The following DMD variants were observed in gnomAD, a reference collection of about 807,000 sequenced individuals.
DMD encodes dystrophin.
Under a neutral mutation model 330.1 loss-of-function variants are expected in DMD, and 63 were observed. The ratio of observed to expected loss-of-function variants is 0.19; its 90% confidence interval spans 0.16 to 0.24. DMD has a LOEUF of 0.24. DMD is among the 10% of genes least tolerant of loss of function. The pLI is 1.00. For missense variants in DMD, 3,344 were observed against 2,684.1 expected (o/e 1.25, Z -5.43); for synonymous variants, 1,223 against 959.8 (o/e 1.27, Z -5.07).
At chrX:31,733,133 G>GA (rs910968562) in intron 51 of DMD, among the ~76,000 whole-genome samples, 1 of 110,537 alleles carries the variant, frequency 9.0e-6, no homozygotes, top group Non-Finnish European at 1.9e-5. Flanking sequence ...AAAGATGGAG[G>GA]AAAAAAAATT....
At chrX:33,086,163 G>A (rs1339273060) in intron 1 of DMD, among the ~76,000 whole-genome samples, 1 of 111,048 alleles carries the variant, frequency 9.0e-6, no homozygotes, top group Non-Finnish European at 1.9e-5. Context: ...GATTATCATA[G>A]GATTGAACCT....
At chrX:31,572,534 TA>T (rs2075877476) in intron 55 of DMD, among the ~76,000 whole-genome samples, 1 of 112,229 alleles carries the variant, frequency 8.9e-6, no homozygotes, top group Non-Finnish European at 1.9e-5. Context: ...CCAGAAATGC[TA>T]GGAAAATAAT....
At chrX:31,769,468 T>A (rs1159854004) in intron 51 of DMD, among the ~76,000 whole-genome samples, 1 of 112,082 alleles carries the variant, frequency 8.9e-6, no homozygotes, top group African/African-American at 3.2e-5. Context: ...GGTCTACACG[T>A]TGTGAAGTTG....
intron 55 of DMD, among the ~76,000 whole-genome samples, chrX:31,600,510 G>GTTTTTTTTTTT (rs1177947507): frequency 2.0e-5 from 1 of 50,487 alleles, no homozygotes; most frequent in African/African-American, 7.9e-5. Context: ...GCCAACTATG[G>GTTTTTTTTTTT]TTTTTTTTTT....
At chrX:32,868,867 C>G (rs2180649) in intron 2 of DMD, among the ~76,000 whole-genome samples, 50,102 of 111,113 alleles carry the variant, frequency 0.45, 8,612 homozygotes, top group Middle Eastern at 0.59. Flanking sequence ...GGGATTCCCC[C>G]AGGACAGCAA....
intron 61 of DMD, among the ~76,000 whole-genome samples, chrX:31,326,128 G>A (rs1010953777): frequency 9.1e-6 from 1 of 110,115 alleles, no homozygotes; most frequent in Admixed American, 9.7e-5. Flanking sequence ...AGGGGCTTTC[G>A]GCCTGAAAGA....
At chrX:31,298,608 T>C in intron 62 of DMD, among the ~76,000 whole-genome samples, 1 of 112,171 alleles carries the variant, frequency 8.9e-6, no homozygotes, top group Non-Finnish European at 1.9e-5. Flanking sequence ...ACAGCATAAA[T>C]CTATTTTCCA....
rs2061760092 is a variant in DMD at position 32,673,446 on chromosome X, G to C, written c.960+24424C>G. 2.7e-5 allele frequency among the ~76,000 whole-genome samples: 3 copies of C among 111,273 alleles called. No homozygotes were observed. In the South Asian group the frequency reaches 1.1e-3, roughly 41 times the overall value. ...TTGTTTTTGAAGTACAGAAAAAAAA[G>C]AAAATATAGCTTTGTCTGAAGAAGC... On this transcript the variant is annotated intron_variant, in intron 9 of 78. Coordinates refer to ENST00000357033, the MANE Select transcript of DMD (RefSeq NM_004006.3).
intron 7 of DMD, among the ~76,000 whole-genome samples, chrX:32,807,122 T>TAAAAAAAAAAA (rs999286386): frequency 2.7e-3 from 56 of 20,725 alleles, no homozygotes; most frequent in Non-Finnish European, 3.0e-3. Context: ...CGGAAACATT[T>TAAAAAAAAAAA]AAAAAAAAAA....
chrX:32,952,215 C>G lies in DMD; in HGVS notation c.93+67924G>C, dbSNP rs960741720. On this transcript the variant is annotated intron_variant, in intron 2 of 78. Transcript: ENST00000357033. The stretch of plus-strand genomic sequence containing the variant: ...GTGGCACAATCGCGGTTCACTGCAA[C>G]CTCTGCCTCCTGGGTTCAAGCGATT... Among the ~76,000 whole-genome samples, 10 of 109,582 alleles carry G rather than the reference C, an allele frequency of 9.1e-5. No individual in the cohort carries two copies. The Admixed American group carries it at 9.8e-4, about 11-fold the overall frequency.
chrX:32,822,294 C>T (rs1419335275), intron 5 of DMD, among the ~76,000 whole-genome samples: 2 of 110,020 alleles, frequency 1.8e-5, no homozygotes, highest in African/African-American at 3.3e-5. Flanking sequence ...GGACCATGGC[C>T]CAGAACAGGG....
intron 7 of DMD, among the ~76,000 whole-genome samples, chrX:32,728,149 C>G (rs951088498): frequency 1.8e-5 from 2 of 111,073 alleles, no homozygotes; most frequent in Non-Finnish European, 3.8e-5. Context: ...CTCTTATGCT[C>G]TTACACTGCT....
intron 60 of DMD, among the ~76,000 whole-genome samples, chrX:31,351,725 C>CAAAAAAAAAAAAAAAAAAAAAAA (rs3061693): frequency 6.4e-4 from 34 of 53,023 alleles, no homozygotes; most frequent in African/African-American, 1.1e-3. Context: ...GACTCCATCT[C>CAAAAAAAAAAAAAAAAAAAAAAA]AAAAAAAAAA....
In DMD at chrX:31,673,786, C is replaced by T. The variant is rs779536457; in HGVS notation, c.7872+5589G>A. On this transcript the variant is annotated intron_variant, in intron 53 of 78. Transcript: ENST00000357033. Reference sequence around the variant, plus strand: ...CATAAAGTTATTCAAGGCTTGGTGACTCTGCATTAAATATTTATATAATAT... The same window carrying T: ...CATAAAGTTATTCAAGGCTTGGTGATTCTGCATTAAATATTTATATAATAT... 2.7e-5 allele frequency among the ~76,000 whole-genome samples: 3 copies of T among 111,358 alleles called. No homozygotes were observed. In the East Asian group the frequency reaches 8.4e-4, roughly 31 times the overall value.
chrX:31,642,650 T>A (rs1236389599), intron 54 of DMD, among the ~76,000 whole-genome samples: 1 of 111,927 alleles, frequency 8.9e-6, no homozygotes, highest in Non-Finnish European at 1.9e-5. Flanking sequence ...TTATCATTTT[T>A]TTTTTAGTGA....
At chrX:33,168,768 G>A (rs181673461) in intron 1 of DMD, among the ~76,000 whole-genome samples, 1 of 110,036 alleles carries the variant, frequency 9.1e-6, no homozygotes, top group Non-Finnish European at 1.9e-5. Flanking sequence ...TTATTGATGG[G>A]GAGAAACTTT....
chrX:32,932,414 T>G (rs1005900590), intron 2 of DMD, among the ~76,000 whole-genome samples: 2 of 112,074 alleles, frequency 1.8e-5, no homozygotes, highest in South Asian at 3.7e-4. Flanking sequence ...TGGGTGGATT[T>G]TATTTTCAGG....
chrX:32,470,309 T>C (rs1177768533), intron 22 of DMD, among the ~76,000 whole-genome samples: 6 of 111,517 alleles, frequency 5.4e-5, no homozygotes. Context: ...TGTGATTGTT[T>C]CCATCGATTT....
At chrX:31,897,066 T>TC (rs1165724221) in intron 47 of DMD, among the ~76,000 whole-genome samples, 27 of 107,365 alleles carry the variant, frequency 2.5e-4, no homozygotes, top group Non-Finnish European at 5.0e-4. Context: ...ATGCTATCCC[T>TC]CCCCCCTTCC....
Sources: gnomAD v4.1 joint callset for allele counts (sites outside exome capture counted in the v4.1 genomes callset) on GRCh38, gnomAD v4.1.1 for gene constraint, MANE v1.5 for transcripts, NCBI Gene and HGNC (gene_info 2026-07-23, HGNC 2026-07-21) for gene names.